The following ARHGEF12 variants were observed in gnomAD, a reference collection of about 807,000 sequenced individuals.
ARHGEF12 encodes the protein KMT2A/ARHGEF12 fusion protein.
Under a neutral mutation model 211.2 loss-of-function variants are expected in ARHGEF12, and 66 were observed. The observed-to-expected ratio is 0.31, with a 90% confidence interval of 0.26 to 0.38. The LOEUF is 0.38. Ranked by LOEUF, ARHGEF12 falls within the 10% of genes least tolerant of loss-of-function variation. ARHGEF12 has a pLI of 1.00. For missense variants in ARHGEF12, 1,429 were observed against 1,869.5 expected, an observed-to-expected ratio of 0.76 and a Z score of 4.34; for synonymous variants, 592 against 638.4, an observed-to-expected ratio of 0.93 and a Z score of 1.09.
chr11:120,451,439 A>C (rs1056840848), intron 21 of ARHGEF12, 73 bp from the exon 22 acceptor site: 2 of 1,449,838 alleles, frequency 1.4e-6, no homozygotes, highest in African/African-American at 2.8e-5. Context: ...GGCCTCCCAA[A>C]GTGTTGGGAT....
rs371465664 is a variant in ARHGEF12 at position 120,481,282 on chromosome 11, C to T, written c.4260C>T (p.Gly1420=). The change falls in exon 39 of 41, where the codon GGC becomes GGT. Residue 1420 remains glycine (G), a synonymous_variant. Transcript: ENST00000397843. ...RISGNYLILD[G]YDPVQESSTD... is the part of the protein sequence containing the mutation. ...TAGGAAACTATTTGATCCTTGATGG[C>T]TATGACCCAGTGCAGGAGAGTTCCA... The T allele has an allele frequency of 4.4e-5, 71 of 1,614,052 alleles. 1 individual carries two copies. The African/African-American group carries it at 7.1e-4, about 16-fold the overall frequency.
At chr11:120,425,050 T>G (rs181835295) in intron 7 of ARHGEF12, among the ~76,000 whole-genome samples, 1 of 152,196 alleles carries the variant, frequency 6.6e-6, no homozygotes, top group Non-Finnish European at 1.5e-5. Context: ...AGTGGGAGTC[T>G]GCAGCTAACC....
At chr11:120,430,250 T>C (rs1945485241) in intron 10 of ARHGEF12, among the ~76,000 whole-genome samples, 1 of 152,172 alleles carries the variant, frequency 6.6e-6, no homozygotes. Flanking sequence ...CATTTTCTTA[T>C]TTAATCTGCA....
chr11:120,429,260 T>A (rs1945453811), intron 8 of ARHGEF12, among the ~76,000 whole-genome samples, 180 bp from the exon 9 acceptor site: 1 of 152,210 alleles, frequency 6.6e-6, no homozygotes, highest in African/African-American at 2.4e-5. Context: ...AGACATTTCC[T>A]TGTAGTTTCT....
At chr11:120,417,014 G>A (rs1945049468) in intron 4 of ARHGEF12, among the ~76,000 whole-genome samples, 1 of 152,170 alleles carries the variant, frequency 6.6e-6, no homozygotes, top group Non-Finnish European at 1.5e-5. Flanking sequence ...CATGGATAGA[G>A]GAGAAAATCC....
At chr11:120,356,892 A>G (rs1943145300) in intron 1 of ARHGEF12, among the ~76,000 whole-genome samples, 1 of 152,172 alleles carries the variant, frequency 6.6e-6, no homozygotes, top group Non-Finnish European at 1.5e-5. Context: ...TATTTTACTT[A>G]ATTCTCACAA....
At chr11:120,398,186 CAGT>C (rs1944448975) in intron 1 of ARHGEF12, among the ~76,000 whole-genome samples, 1 of 152,128 alleles carries the variant, frequency 6.6e-6, no homozygotes, top group Non-Finnish European at 1.5e-5. Context: ...TTACTAGTGT[CAGT>C]GGTCTTGTGT....
chr11:120,482,743 TCA>T (rs1555125290), intron 39 of ARHGEF12, among the ~76,000 whole-genome samples: 1 of 110,200 alleles, frequency 9.1e-6, no homozygotes, highest in Admixed American at 8.7e-5. Context: ...AGACTCTGTC[TCA>T]AAAAAAAAAA....
intron 1 of ARHGEF12, among the ~76,000 whole-genome samples, chr11:120,344,296 T>C (rs958963800): frequency 1.3e-4 from 16 of 121,640 alleles, no homozygotes; most frequent in African/African-American, 5.0e-4. Flanking sequence ...AAAAAAAAAC[T>C]GGAGACTTCA....
intron 35 of ARHGEF12, 68 bp from the exon 36 acceptor site, chr11:120,477,379 T>G: frequency 6.2e-7 from 1 of 1,603,366 alleles, no homozygotes; most frequent in South Asian, 1.1e-5. Flanking sequence ...AATTATTATG[T>G]TTTGTTGCGA....
At chr11:120,420,001 C>T (rs1352753137) in intron 4 of ARHGEF12, among the ~76,000 whole-genome samples, 3 of 152,136 alleles carry the variant, frequency 2.0e-5, no homozygotes, top group Non-Finnish European at 4.4e-5. Flanking sequence ...CTGGCTGGGG[C>T]CCTCTTTCTC....
chr11:120,441,604 G>A (rs1945869871), intron 13 of ARHGEF12, 103 bp from the exon 14 acceptor site: 2 of 798,754 alleles, frequency 2.5e-6, no homozygotes, highest in Admixed American at 2.7e-5. Flanking sequence ...ATTTTTTATA[G>A]GGAGATCAAA....
intron 1 of ARHGEF12, chr11:120,385,425 C>T (rs1477855148): frequency 2.0e-6 from 2 of 985,224 alleles, no homozygotes; most frequent in African/African-American, 1.7e-5. Flanking sequence ...TCATTTTCTT[C>T]TACTCCATGG....
At chr11:120,446,360 CAG>C in intron 16 of ARHGEF12, 41 bp from the exon 17 acceptor site, 2 of 1,487,266 alleles carry the variant, frequency 1.3e-6, no homozygotes, top group South Asian at 2.4e-5. Context: ...GTATGTTGCC[CAG>C]AACATACCTT....
chr11:120,451,227 G>T, intron 21 of ARHGEF12: 4 of 259,184 alleles, frequency 1.5e-5, no homozygotes, highest in Non-Finnish European at 2.2e-5. Flanking sequence ...CACCCAGGCT[G>T]GAGTGCAGTG....
intron 33 of ARHGEF12, 183 bp from the exon 34 acceptor site, chr11:120,476,478 G>A (rs1947035712): frequency 2.3e-6 from 1 of 442,266 alleles, no homozygotes; most frequent in Non-Finnish European, 4.0e-6. Context: ...AATAAATATA[G>A]TACAATAAAT....
At chr11:120,363,654 C>T (rs1387993932) in intron 1 of ARHGEF12, among the ~76,000 whole-genome samples, 1 of 152,164 alleles carries the variant, frequency 6.6e-6, no homozygotes, top group Non-Finnish European at 1.5e-5. Flanking sequence ...TGCTAACCAG[C>T]AAGATAATGT....
intron 1 of ARHGEF12, chr11:120,385,304 TC>T: frequency 1.0e-6 from 1 of 985,368 alleles, no homozygotes; most frequent in Non-Finnish European, 1.2e-6. Flanking sequence ...CTTCTTATCA[TC>T]CCTCTTGTGG....
chr11:120,459,022 A>G (rs1022646092), intron 25 of ARHGEF12, 152 bp from the exon 26 acceptor site: 12 of 645,524 alleles, frequency 1.9e-5, no homozygotes, highest in Non-Finnish European at 2.7e-5. Flanking sequence ...AATTTCTTGG[A>G]ATCAGAATGA....
Sources: gnomAD v4.1 joint callset for allele counts (sites outside exome capture counted in the v4.1 genomes callset) on GRCh38, gnomAD v4.1.1 for gene constraint, MANE v1.5 for transcripts, NCBI Gene and HGNC (gene_info 2026-07-23, HGNC 2026-07-21) for gene names.